Variants in ATRNL1 observed in about 807,000 individuals in gnomAD.
The protein encoded by ATRNL1 is attractin like 1, also known as attractin-like protein 1.
Under a neutral mutation model 182.7 loss-of-function variants are expected in ATRNL1, and 95 were observed. That is an observed-to-expected ratio of 0.52 (90% CI 0.44 to 0.62). The LOEUF is 0.62. Among genes scored for constraint, ATRNL1 ranks in the 20% least tolerant of loss-of-function variants. ATRNL1 has a pLI of 0.00. For synonymous variants in ATRNL1, 576 were observed against 568.3 expected, an observed-to-expected ratio of 1.01 and a Z score of -0.19; for missense variants, 1,471 against 1,679.5, an observed-to-expected ratio of 0.88 and a Z score of 2.17.
intron 21 of ATRNL1, among the ~76,000 whole-genome samples, chr10:115,428,158 T>G (rs1845989311): frequency 6.6e-6 from 1 of 152,082 alleles, no homozygotes; most frequent in Non-Finnish European, 1.5e-5. Flanking sequence ...TATTTTAAAT[T>G]TGTGATGCTA....
chr10:115,099,133 C>T (rs1328766090), intron 1 of ATRNL1, among the ~76,000 whole-genome samples: 1 of 152,206 alleles, frequency 6.6e-6, no homozygotes, highest in East Asian at 1.9e-4. Flanking sequence ...GATCTGCTTT[C>T]TCTCACTATA....
At position 115,215,743 on chromosome 10, in the gene ATRNL1, A is replaced by G. The variant is rs1554896045; in HGVS notation, c.1395A>G (p.Gln465=). Residue 465 remains glutamine (Q), a synonymous_variant, in exon 9 of 29, where the codon CAA becomes CAG. Transcript: ENST00000355044. ...CAGAAACTAAAGGAGCTATTGTACA[A>G]GGTGGATATGGCCATACTAGTGTGT... is the stretch of plus-strand genomic sequence containing the variant. The part of the protein sequence containing the change: ...LVPETKGAIV[Q]GGYGHTSVYD... 4 of 1,607,920 alleles carry G rather than the reference A, an allele frequency of 2.5e-6. No individual in the cohort carries two copies.
At chr10:115,822,910 A>G (rs1012323188) in intron 27 of ATRNL1, among the ~76,000 whole-genome samples, 3 of 151,976 alleles carry the variant, frequency 2.0e-5, no homozygotes, top group African/African-American at 7.3e-5. Flanking sequence ...AAAAAGGGGG[A>G]CTCCTCCCTA....
chr10:115,798,213 A>C (rs1029343557), intron 27 of ATRNL1, among the ~76,000 whole-genome samples: 1 of 152,212 alleles, frequency 6.6e-6, no homozygotes, highest in East Asian at 1.9e-4. Flanking sequence ...CACCGCGCCC[A>C]GCCTCTCAGA....
At chr10:115,805,298 T>G (rs1949894413) in intron 27 of ATRNL1, among the ~76,000 whole-genome samples, 1 of 152,218 alleles carries the variant, frequency 6.6e-6, no homozygotes, top group Admixed American at 6.5e-5. Context: ...CAAATTGTGT[T>G]GGCTTCAAGA....
chr10:115,139,736 A>G (rs891796326), intron 5 of ATRNL1, among the ~76,000 whole-genome samples: 1 of 152,226 alleles, frequency 6.6e-6, no homozygotes, highest in African/African-American at 2.4e-5. Flanking sequence ...CAAATATTAG[A>G]TCATTCAGAT....
intron 8 of ATRNL1, among the ~76,000 whole-genome samples, chr10:115,202,991 T>G (rs954208700): frequency 1.3e-5 from 2 of 151,930 alleles, no homozygotes; most frequent in Non-Finnish European, 2.9e-5. Flanking sequence ...ATTTATCCAT[T>G]TCTTCTAGAT....
intron 9 of ATRNL1, among the ~76,000 whole-genome samples, chr10:115,233,537 C>G (rs1274913113): frequency 6.6e-6 from 1 of 152,046 alleles, no homozygotes; most frequent in East Asian, 1.9e-4. Flanking sequence ...CTTACAATTT[C>G]TGCTATAATC....
chr10:115,126,350 G>A (rs182683989), intron 3 of ATRNL1, among the ~76,000 whole-genome samples: 16 of 152,258 alleles, frequency 1.1e-4, no homozygotes, highest in South Asian at 2.1e-4. Context: ...GAGCCACTGC[G>A]CCTGGCCCAG....
At chr10:115,485,024 G>A (rs943245814) in intron 24 of ATRNL1, among the ~76,000 whole-genome samples, 5 of 151,866 alleles carry the variant, frequency 3.3e-5, no homozygotes, top group Non-Finnish European at 5.9e-5. Context: ...ACTTGATCAT[G>A]GTCTGTTTTT....
At chr10:115,864,980 T>TAAA in intron 28 of ATRNL1, among the ~76,000 whole-genome samples, 1 of 111,008 alleles carries the variant, frequency 9.0e-6, no homozygotes, top group Admixed American at 1.0e-4. Flanking sequence ...AGACTCCGTC[T>TAAA]AAAAAAAAAA....
chr10:115,666,064 C>G (rs1372665902), intron 26 of ATRNL1, among the ~76,000 whole-genome samples: 1 of 151,972 alleles, frequency 6.6e-6, no homozygotes, highest in Non-Finnish European at 1.5e-5. Flanking sequence ...GTTAGATGTT[C>G]TAAGACATAG....
At chr10:115,386,561 G>C (rs1202972917) in intron 19 of ATRNL1, among the ~76,000 whole-genome samples, 1 of 152,112 alleles carries the variant, frequency 6.6e-6, no homozygotes, top group African/African-American at 2.4e-5. Flanking sequence ...ACAAAGGCTT[G>C]AGTCAACACC....
chr10:115,197,901 C>G (rs558318313), intron 8 of ATRNL1, among the ~76,000 whole-genome samples: 7 of 152,268 alleles, frequency 4.6e-5, no homozygotes, highest in Admixed American at 6.6e-5. Flanking sequence ...CTATTCACTC[C>G]ATTGGATGGA....
rs557288220 is a variant in ATRNL1 at position 115,463,110 on chromosome 10, G to T, written c.3417+1075G>T. Among the ~76,000 whole-genome samples, 9 of 151,592 alleles carry T rather than the reference G, an allele frequency of 5.9e-5. No homozygotes were observed. The East Asian group carries it at 1.7e-3, about 29-fold the overall frequency. The stretch of plus-strand genomic sequence containing the variant: ...ATATATTTAATGGTTTTTCAAGTAG[G>T]TGAAATGTCTAAATATATTAATACT... On this transcript the variant is annotated intron_variant, in intron 22 of 28. Transcript: ENST00000355044.
chr10:115,910,223 A>G (rs918879653), intron 28 of ATRNL1, among the ~76,000 whole-genome samples: 8 of 152,228 alleles, frequency 5.3e-5, no homozygotes, highest in African/African-American at 1.4e-4. Flanking sequence ...CCACAAGGTC[A>G]GAGGAAAGGG....
At chr10:115,226,781 T>TA (rs1849717173) in intron 9 of ATRNL1, among the ~76,000 whole-genome samples, 1 of 151,974 alleles carries the variant, frequency 6.6e-6, no homozygotes, top group Non-Finnish European at 1.5e-5. Flanking sequence ...GCCACACACT[T>TA]ACAATCATCT....
At chr10:115,099,179 G>C (rs532234730) in intron 1 of ATRNL1, among the ~76,000 whole-genome samples, 29 of 152,222 alleles carry the variant, frequency 1.9e-4, no homozygotes, top group Middle Eastern at 6.8e-3. Flanking sequence ...TTTGTAAATA[G>C]AATCATACAT....
intron 19 of ATRNL1, among the ~76,000 whole-genome samples, chr10:115,351,104 C>T (rs527358268): frequency 1.3e-5 from 2 of 152,090 alleles, no homozygotes; most frequent in Non-Finnish European, 2.9e-5. Context: ...TTGTATCCTG[C>T]AGGTCTACTG....
Sources: allele counts gnomAD v4.1 joint callset (sites outside exome capture counted in the v4.1 genomes callset), GRCh38; gene constraint gnomAD v4.1.1; transcripts MANE v1.5; gene names NCBI Gene and HGNC (gene_info 2026-07-23, HGNC 2026-07-21).